The following RAD54L2 variants were observed in gnomAD, a reference collection of about 807,000 sequenced individuals.
The protein encoded by RAD54L2 is RAD54 like 2.
RAD54L2 carries 27 observed loss-of-function variants against 138.4 expected under a neutral mutation model. The observed-to-expected ratio is 0.20, with a 90% confidence interval of 0.14 to 0.27. The LOEUF (loss-of-function observed/expected upper bound fraction) is 0.27, where lower values mean the gene tolerates loss of function less well. RAD54L2 is among the 10% of genes least tolerant of loss of function. The pLI is 1.00. For missense variants in RAD54L2, 1,396 were observed against 1,890.2 expected (o/e 0.74, Z 4.85); for synonymous variants, 644 against 723.2 (o/e 0.89, Z 1.76).
At chr3:51,560,657 C>G (rs1699077897) in intron 2 of RAD54L2, among the ~76,000 whole-genome samples, 1 of 151,974 alleles carries the variant, frequency 6.6e-6, no homozygotes, top group Non-Finnish European at 1.5e-5. Flanking sequence ...GTGCCTGGCC[C>G]CCCAAATAGT....
At chr3:51,589,795 G>C (rs898052224) in intron 2 of RAD54L2, among the ~76,000 whole-genome samples, 1 of 151,942 alleles carries the variant, frequency 6.6e-6, no homozygotes, top group Non-Finnish European at 1.5e-5. Context: ...GAACAAATGG[G>C]ATTTCCAAGG....
In RAD54L2 at chr3:51,629,321, T is replaced by C; in HGVS notation, c.342-13T>C. 6 of 1,576,672 alleles carry C rather than the reference T, an allele frequency of 3.8e-6. No homozygotes were observed. Among genetic ancestry groups the C allele is most frequent in the Non-Finnish European group, 4.3e-6 (5 of 1,160,814 alleles). ...AATTGAACCCAAGTGCTGTCTCTTA[T>C]GTGAATGTTTAGAAAGCTACTCCGG... On this transcript the variant is annotated splice_polypyrimidine_tract_variant and intron_variant, in intron 4 of 22. Coordinates refer to ENST00000684192, the MANE Select transcript of RAD54L2 (RefSeq NM_015106.4).
chr3:51,643,833 G>A, intron 15 of RAD54L2, 42 bp from the exon 16 acceptor site: 2 of 1,449,308 alleles, frequency 1.4e-6, no homozygotes, highest in Non-Finnish European at 9.5e-7. Context: ...GTATATCCTT[G>A]CTCTAATATA....
chr3:51,556,555 G>A (rs559914409), intron 2 of RAD54L2, among the ~76,000 whole-genome samples: 86 of 150,454 alleles, frequency 5.7e-4, no homozygotes, highest in Non-Finnish European at 1.1e-3. Context: ...GTGCCAACCA[G>A]ATGCTTTATC....
chr3:51,587,153 T>G lies in RAD54L2; in HGVS notation c.-54-3214T>G, dbSNP rs1370345300. 9.9e-5 allele frequency among the ~76,000 whole-genome samples: 15 copies of G among 151,766 alleles called. No homozygotes were observed. The East Asian group carries it at 2.3e-3, about 24-fold the overall frequency. On this transcript the variant is annotated intron_variant, in intron 2 of 22. Transcript: ENST00000684192. ...TCTCGCTGTGTCGCCCAGGCTGGAG[T>G]GCAGTGGCGTGATCTCGGCTCACTG...
At chr3:51,562,418 G>C (rs1476466165) in intron 2 of RAD54L2, among the ~76,000 whole-genome samples, 2 of 152,078 alleles carry the variant, frequency 1.3e-5, no homozygotes, top group Non-Finnish European at 2.9e-5. Flanking sequence ...ATTTAGTAGA[G>C]ACTAAATAAA....
chr3:51,668,290 A>G lies in RAD54L2; in HGVS notation c.*4870A>G, dbSNP rs1002182712. ...GGGTTAAGGGGGGTCGCTATGGATA[A>G]CCACTAAGACCAGACTGCTGCCAGG... is the stretch of plus-strand genomic sequence containing the variant. On this transcript the variant is annotated 3_prime_UTR_variant, in exon 23 of 23. Transcript: ENST00000684192. 3 of 152,148 alleles carry G rather than the reference A, an allele frequency of 2.0e-5. No homozygotes were observed. Among genetic ancestry groups the G allele is most frequent in the African/African-American group, 7.2e-5 (3 of 41,408 alleles). 9.4% of individuals were successfully genotyped at this position (152,148 alleles called of 1,614,324 possible).
At chr3:51,611,074 C>T (rs1254292968) in intron 3 of RAD54L2, among the ~76,000 whole-genome samples, 1 of 152,030 alleles carries the variant, frequency 6.6e-6, no homozygotes, top group African/African-American at 2.4e-5. Flanking sequence ...TTCTCCTATT[C>T]AGATACCTAG....
At chr3:51,609,715 T>TGTGTGTGTGTGC (rs1700286615) in intron 3 of RAD54L2, among the ~76,000 whole-genome samples, 1 of 151,518 alleles carries the variant, frequency 6.6e-6, no homozygotes, top group African/African-American at 2.4e-5. Flanking sequence ...TGTGTGTGTG[T>TGTGTGTGTGTGC]GTGTGTGTGT....
chr3:51,543,033 G>A (rs1402955912), intron 2 of RAD54L2, among the ~76,000 whole-genome samples: 2 of 152,142 alleles, frequency 1.3e-5, no homozygotes, highest in African/African-American at 4.8e-5. Flanking sequence ...GTTTTTGCCA[G>A]GAATTCTCCA....
At chr3:51,579,526 A>G (rs59564034) in intron 2 of RAD54L2, among the ~76,000 whole-genome samples, 10,306 of 152,182 alleles carry the variant, frequency 0.068, 908 homozygotes, top group East Asian at 0.33. Flanking sequence ...TTTTATTATT[A>G]CTTAAAATAT....
At chr3:51,589,008 C>T (rs926163170) in intron 2 of RAD54L2, among the ~76,000 whole-genome samples, 7 of 152,168 alleles carry the variant, frequency 4.6e-5, no homozygotes, top group African/African-American at 1.7e-4. Flanking sequence ...TCCTGCCACA[C>T]ACCAGCCCTA....
intron 10 of RAD54L2, among the ~76,000 whole-genome samples, chr3:51,636,267 C>T (rs186643814): frequency 1.3e-5 from 2 of 152,288 alleles, no homozygotes; most frequent in African/African-American, 4.8e-5. Context: ...TTCTAAGGGG[C>T]CTTTGCTCAT....
In RAD54L2 at chr3:51,637,333, C is replaced by T. The variant is rs1326349398; in HGVS notation, c.1512C>T (p.Cys504=). 1 of 1,613,738 alleles carries T rather than the reference C, an allele frequency of 6.2e-7. No homozygotes were observed. The highest frequency in any genetic ancestry group is 1.7e-5 in the Admixed American group (1 of 59,994). The change falls in exon 11 of 23, where the codon TGC becomes TGT. Residue 504 remains cysteine, a synonymous_variant. Transcript: ENST00000684192. The surrounding 1 kb of genome is among the most constrained non-coding windows in gnomAD (Gnocchi z 5.9). ...PLQNNLIEYW[C]MVDFVRPDFL... ...AAAACAACCTCATTGAGTACTGGTGCATGGTGGACTTTGTGCGCCCAGACT... is the reference window on the plus strand; with the variant it reads ...AAAACAACCTCATTGAGTACTGGTGTATGGTGGACTTTGTGCGCCCAGACT...
chr3:51,624,150 TTTTG>T (rs748897893), intron 3 of RAD54L2, among the ~76,000 whole-genome samples: 3 of 152,020 alleles, frequency 2.0e-5, no homozygotes, highest in South Asian at 2.1e-4. Context: ...AGCAGCTGTT[TTTTG>T]TTTGTTTGTT....
intron 2 of RAD54L2, among the ~76,000 whole-genome samples, chr3:51,582,623 G>A (rs1165641332): frequency 2.6e-5 from 4 of 151,396 alleles, no homozygotes; most frequent in Non-Finnish European, 5.9e-5. Flanking sequence ...TGATTCCATG[G>A]AGAAGGAAAC....
intron 19 of RAD54L2, among the ~76,000 whole-genome samples, chr3:51,648,088 C>T (rs1701330837): frequency 6.6e-6 from 1 of 152,194 alleles, no homozygotes. Context: ...GGGACACTGC[C>T]ACCCAAATAC....
chr3:51,619,164 TCTC>T, intron 3 of RAD54L2, among the ~76,000 whole-genome samples: 1 of 152,250 alleles, frequency 6.6e-6, no homozygotes, highest in East Asian at 1.9e-4. Context: ...TTCAAGCAAT[TCTC>T]CTGCCTCAGC....
chr3:51,615,385 G>A (rs771166183), intron 3 of RAD54L2, among the ~76,000 whole-genome samples: 3 of 152,204 alleles, frequency 2.0e-5, no homozygotes, highest in South Asian at 2.1e-4. Flanking sequence ...TAGGGAAAGC[G>A]TGGTCCACAG....
Sources: allele counts gnomAD v4.1 joint callset (sites outside exome capture counted in the v4.1 genomes callset), GRCh38; gene constraint gnomAD v4.1.1; non-coding constraint Gnocchi (gnomAD v3.1); transcripts MANE v1.5; gene names NCBI Gene and HGNC (gene_info 2026-07-23, HGNC 2026-07-21).